Variants in PYROXD1 observed in about 807,000 individuals in gnomAD.
PYROXD1 encodes pyridine nucleotide-disulphide oxidoreductase domain 1.
In PYROXD1, 42 loss-of-function variants were observed where a neutral mutation model predicts 62.0. The observed-to-expected ratio is 0.68, with a 90% CI of 0.53 to 0.88. The LOEUF (loss-of-function observed/expected upper bound fraction) is 0.88. Among genes scored for constraint, PYROXD1 ranks in the 40% least tolerant of loss-of-function variants. The pLI is 0.00. For missense variants in PYROXD1, 493 were observed against 604.8 expected (o/e 0.82, Z 1.94); for synonymous variants, 170 against 206.4 (o/e 0.82, Z 1.51).
intron 3 of PYROXD1, among the ~76,000 whole-genome samples, chr12:21,449,024 T>G (rs1942443124): frequency 6.6e-6 from 1 of 152,158 alleles, no homozygotes; most frequent in South Asian, 2.1e-4. Context: ...TCTAGTCTTT[T>G]TAGATTAAGA....
At chr12:21,450,630 C>T (rs1307439979) in intron 4 of PYROXD1, among the ~76,000 whole-genome samples, 4 of 152,136 alleles carry the variant, frequency 2.6e-5, no homozygotes, top group Admixed American at 6.5e-5. Context: ...ACCTCAAGTT[C>T]GTTGTTCTGT....
chr12:21,459,771 C>T (rs985284371), intron 7 of PYROXD1, among the ~76,000 whole-genome samples: 2 of 152,162 alleles, frequency 1.3e-5, no homozygotes, highest in Non-Finnish European at 2.9e-5. Flanking sequence ...CACATTTGGT[C>T]ACAGAAGTAT....
At chr12:21,461,753 T>G (rs527489514) in intron 8 of PYROXD1, among the ~76,000 whole-genome samples, 143 of 152,320 alleles carry the variant, frequency 9.4e-4, no homozygotes, top group Middle Eastern at 6.8e-3. Flanking sequence ...TTGTCAAAAT[T>G]TATGTGTCCA....
rs770409202 is a variant in PYROXD1, at chr12:21,437,830, G to A, written c.84+16G>A. On this transcript the variant is annotated intron_variant, in intron 1 of 11. Coordinates refer to ENST00000240651, the MANE Select transcript of PYROXD1 (RefSeq NM_024854.5). ...TGCGGAGCAGGTAGGGCGGTGCTCAGGCGGTTCCGCCTCTTTCCCCGACCC... is the reference window on the plus strand; with the variant it reads ...TGCGGAGCAGGTAGGGCGGTGCTCAAGCGGTTCCGCCTCTTTCCCCGACCC... 4 of 1,607,880 alleles carry A rather than the reference G, an allele frequency of 2.5e-6. No individual in the cohort carries two copies. In the South Asian group the frequency reaches 3.3e-5, roughly 13 times the overall value.
intron 4 of PYROXD1, among the ~76,000 whole-genome samples, chr12:21,449,919 G>A (rs559237359): frequency 6.6e-5 from 10 of 150,752 alleles, no homozygotes; most frequent in African/African-American, 2.4e-4. Flanking sequence ...GTGCAGTGGC[G>A]CAGTCTCGGC....
intron 2 of PYROXD1, among the ~76,000 whole-genome samples, chr12:21,443,672 T>G (rs1351072376): frequency 6.6e-6 from 1 of 152,184 alleles, no homozygotes; most frequent in Non-Finnish European, 1.5e-5. Context: ...AAACGTACAT[T>G]CTGATCTTTC....
At chr12:21,465,118 C>T (rs1464738397) in intron 10 of PYROXD1, among the ~76,000 whole-genome samples, 5 of 151,990 alleles carry the variant, frequency 3.3e-5, no homozygotes, top group Non-Finnish European at 7.4e-5. Flanking sequence ...TGAATAGTGC[C>T]GCTATAAACA....
intron 1 of PYROXD1, chr12:21,438,078 A>C: frequency 1.9e-6 from 1 of 525,560 alleles, no homozygotes; most frequent in South Asian, 2.5e-5. Context: ...AGATCCTTGT[A>C]ATGTCAGAGC....
At chr12:21,455,938 A>G in intron 6 of PYROXD1, 57 bp from the exon 7 acceptor site, 1 of 1,132,860 alleles carries the variant, frequency 8.8e-7, no homozygotes, top group Non-Finnish European at 1.3e-6. Context: ...AAACTTCAGA[A>G]CACTAACATA....
chr12:21,456,156 A>G lies in PYROXD1; in HGVS notation c.750+61A>G, dbSNP rs1942592888. On this transcript the variant is annotated intron_variant, in intron 7 of 11. Coordinates refer to ENST00000240651, the MANE Select transcript of PYROXD1 (RefSeq NM_024854.5). ...GTAATTTTAAATTCTTGAACCATTT[A>G]TTAAAGACTGGTAATAAATATATAG... is the stretch of plus-strand genomic sequence containing the variant. 2.9e-6 allele frequency: 3 copies of G among 1,029,732 alleles called. No individual in the cohort carries two copies. The East Asian group carries it at 7.3e-5, about 25-fold the overall frequency. The allele number at this position is 1,029,732 out of a possible 1,614,324, so 63.8% of individuals were successfully genotyped here.
At position 21,470,880 on chromosome 12, in the gene PYROXD1, T is replaced by G. The variant is rs1281107072; in HGVS notation, c.*2126T>G. 5 of 930,156 alleles carry G rather than the reference T, an allele frequency of 5.4e-6. No homozygotes were observed. The East Asian group carries it at 1.7e-4, about 31-fold the overall frequency. 57.6% of individuals were successfully genotyped at this position (930,156 alleles called of 1,614,324 possible). ...AAAACTGACTTTTCTCATGTTCAAC[T>G]GGACCTAGGGGAATATGACAGAAAA... On this transcript the variant is annotated 3_prime_UTR_variant, in exon 12 of 12. Coordinates refer to ENST00000240651, the MANE Select transcript of PYROXD1 (RefSeq NM_024854.5).
chr12:21,437,916 C>T (rs778750230), intron 1 of PYROXD1, 102 bp downstream of exon 1: 7 of 1,110,880 alleles, frequency 6.3e-6, no homozygotes, highest in African/African-American at 1.6e-5. Flanking sequence ...TTCCGGGTTC[C>T]TTTTTTGCTG....
intron 10 of PYROXD1, 99 bp from the exon 11 acceptor site, chr12:21,467,380 CTG>C (rs1942816989): frequency 8.5e-6 from 9 of 1,062,426 alleles, no homozygotes; most frequent in Non-Finnish European, 1.1e-5. Flanking sequence ...GACAGAAAGA[CTG>C]TCAAACATTG....
chr12:21,456,980 T>G (rs1942609475), intron 7 of PYROXD1: 1 of 405,536 alleles, frequency 2.5e-6, no homozygotes, highest in Admixed American at 3.1e-5. Flanking sequence ...ATTGCAGCAA[T>G]GTAGTCTCAT....
chr12:21,461,370 A>C (rs1053982426), intron 8 of PYROXD1, among the ~76,000 whole-genome samples: 2 of 152,222 alleles, frequency 1.3e-5, no homozygotes, highest in Non-Finnish European at 2.9e-5. Flanking sequence ...TACATCTTAC[A>C]TAGAGCTGAG....
intron 2 of PYROXD1, among the ~76,000 whole-genome samples, chr12:21,442,433 C>T (rs1416333133): frequency 6.6e-6 from 1 of 152,226 alleles, no homozygotes; most frequent in Admixed American, 6.5e-5. Flanking sequence ...GCCTAGCTTT[C>T]AATGGCAGCT....
chr12:21,448,407 G>C, intron 3 of PYROXD1: 1 of 215,428 alleles, frequency 4.6e-6, no homozygotes, highest in African/African-American at 2.3e-5. Context: ...CTAATGGAAA[G>C]AGTTTTTGTG....
At chr12:21,459,195 C>T (rs769803531) in intron 7 of PYROXD1, among the ~76,000 whole-genome samples, 7 of 152,108 alleles carry the variant, frequency 4.6e-5, no homozygotes, top group Non-Finnish European at 1.0e-4. Context: ...TTAGACTTTC[C>T]AACCTACAGG....
At chr12:21,465,316 T>C (rs1214048859) in intron 10 of PYROXD1, among the ~76,000 whole-genome samples, 1 of 152,174 alleles carries the variant, frequency 6.6e-6, no homozygotes, top group African/African-American at 2.4e-5. Flanking sequence ...TTTCTCCACA[T>C]CCTCTCCAGC....
Sources: allele counts gnomAD v4.1 joint callset (sites outside exome capture counted in the v4.1 genomes callset), GRCh38; gene constraint gnomAD v4.1.1; transcripts MANE v1.5; gene names NCBI Gene and HGNC (gene_info 2026-07-23, HGNC 2026-07-21).